The following ADAM9 variants were observed in gnomAD, a reference collection of about 807,000 sequenced individuals.
ADAM9 encodes ADAM metallopeptidase domain 9.
Under a neutral mutation model 108.1 loss-of-function variants are expected in ADAM9, and 54 were observed. The observed-to-expected ratio is 0.50, with a 90% CI of 0.40 to 0.63. ADAM9 has a LOEUF of 0.63. Among genes scored for constraint, ADAM9 ranks in the 20% least tolerant of loss-of-function variants. ADAM9 has a pLI of 0.00. For missense variants in ADAM9, 830 were observed against 997.7 expected, an observed-to-expected ratio of 0.83 and a Z score of 2.26; for synonymous variants, 316 against 336.0, an observed-to-expected ratio of 0.94 and a Z score of 0.65.
intron 7 of ADAM9, 81 bp downstream of exon 7, chr8:39,018,999 A>ACT (rs1216737799): frequency 1.5e-6 from 2 of 1,295,222 alleles, no homozygotes; most frequent in Admixed American, 3.4e-5. Flanking sequence ...TCTAAACTAC[A>ACT]CATTGTTTGT....
chr8:39,007,336 C>T (rs1836196176), intron 1 of ADAM9, among the ~76,000 whole-genome samples: 1 of 152,210 alleles, frequency 6.6e-6, no homozygotes, highest in South Asian at 2.1e-4. Context: ...TGTTACTACA[C>T]CCCACCTCCC....
intron 1 of ADAM9, among the ~76,000 whole-genome samples, chr8:39,001,240 A>G (rs1835983198): frequency 6.6e-6 from 1 of 152,256 alleles, no homozygotes; most frequent in South Asian, 2.1e-4. Context: ...ACAAATGTGT[A>G]GGCTATGTAG....
At chr8:39,103,576 A>G (rs1839766170) in intron 21 of ADAM9, 31 bp from the exon 22 acceptor site, 1 of 1,594,970 alleles carries the variant, frequency 6.3e-7, no homozygotes, top group Admixed American at 1.7e-5. Flanking sequence ...CAGTCTAAAC[A>G]CTCTATTAAC....
chr8:39,099,161 G>A (rs906646713), intron 20 of ADAM9, among the ~76,000 whole-genome samples: 1 of 152,062 alleles, frequency 6.6e-6, no homozygotes, highest in Non-Finnish European at 1.5e-5. Flanking sequence ...CCCTTCATAT[G>A]TCTAGGCTTT....
In ADAM9 at chr8:39,103,641, G is replaced by T; in HGVS notation, c.2401G>T (p.Gly801Ter). The T allele has an allele frequency of 6.2e-7, 1 of 1,613,928 alleles. No individual in the cohort carries two copies. Among genetic ancestry groups the T allele is most frequent in the Non-Finnish European group, 8.5e-7 (1 of 1,179,952 alleles). The change falls in exon 22 of 22, where the codon GGA (glycine) becomes TGA (stop). Residue 801 changes from glycine to a stop codon, truncating the protein, a stop_gained. Transcript: ENST00000487273. LOFTEE classifies it high-confidence loss of function. ...PPPQPKVSSQ[G>*]NLIPARPAPA... ...ACCACAACCGAAAGTATCATCTCAG[G>T]GAAACTTAATTCCTGCCCGTCCTGC...
In ADAM9 at chr8:39,071,549, C is replaced by T. The variant is rs1421011986; in HGVS notation, c.1697+146C>T. 5 of 685,144 alleles carry T rather than the reference C, an allele frequency of 7.3e-6. No homozygotes were observed. In the Admixed American group the frequency reaches 8.2e-5, roughly 11 times the overall value. The allele number at this position is 685,144 out of a possible 1,614,324, so 42.4% of individuals were successfully genotyped here. ...TGGCGCGATCTCGGCTCGCTGCACC[C>T]TCCGCCTCCCAGGTTCAAGTGATTC... is the stretch of plus-strand genomic sequence containing the variant. On this transcript the variant is annotated intron_variant, in intron 15 of 21. Coordinates refer to ENST00000487273, the MANE Select transcript of ADAM9 (RefSeq NM_003816.3).
At chr8:39,016,661 G>A (rs1197884196) in intron 5 of ADAM9, among the ~76,000 whole-genome samples, 5 of 152,248 alleles carry the variant, frequency 3.3e-5, no homozygotes, top group South Asian at 4.1e-4. Context: ...TGGCAACATG[G>A]CACTGTGCTG....
chr8:39,098,562 G>A (rs1333265517), intron 20 of ADAM9, among the ~76,000 whole-genome samples: 1 of 152,048 alleles, frequency 6.6e-6, no homozygotes, highest in Non-Finnish European at 1.5e-5. Context: ...CATTTCACTA[G>A]TTTTATAGTA....
intron 11 of ADAM9, among the ~76,000 whole-genome samples, chr8:39,027,057 A>G (rs1836946445): frequency 6.6e-6 from 1 of 151,896 alleles, no homozygotes; most frequent in Admixed American, 6.6e-5. Flanking sequence ...AAATGATTCC[A>G]GAGAGCTTTA....
At chr8:39,073,106 G>A (rs959211742) in intron 15 of ADAM9, among the ~76,000 whole-genome samples, 1 of 152,100 alleles carries the variant, frequency 6.6e-6, no homozygotes, top group Non-Finnish European at 1.5e-5. Flanking sequence ...GGTCTGTATG[G>A]GTAAATGTTC....
At position 38,997,048 on chromosome 8, in the gene ADAM9, T is replaced by A; in HGVS notation, c.-16T>A. 1 of 1,605,172 alleles carries A rather than the reference T, an allele frequency of 6.2e-7. No homozygotes were observed. The highest frequency in any genetic ancestry group is 8.5e-7 in the Non-Finnish European group (1 of 1,179,290). ...AGGCGACCGAGTGCTGAGAGGAACC[T>A]GCGGAATCGGCCGAGATGGGGTCTG... On this transcript the variant is annotated 5_prime_UTR_variant, in exon 1 of 22. Transcript: ENST00000487273.
rs138167481 is a variant in ADAM9, at chr8:39,086,852, A to G, written c.2069-3195A>G. 5.9e-5 allele frequency among the ~76,000 whole-genome samples: 9 copies of G among 152,318 alleles called. No homozygotes were observed. The East Asian group carries it at 1.7e-3, about 29-fold the overall frequency. Reference sequence around the variant, plus strand: ...AGTCTAGGGCTGATTCTGCTTCATTACTGAGGCAAAACCACTTCTGTTTAT... The same window carrying G: ...AGTCTAGGGCTGATTCTGCTTCATTGCTGAGGCAAAACCACTTCTGTTTAT... On this transcript the variant is annotated intron_variant, in intron 18 of 21. Transcript: ENST00000487273.
intron 16 of ADAM9, among the ~76,000 whole-genome samples, chr8:39,078,741 A>G (rs1838928389): frequency 6.6e-6 from 1 of 152,208 alleles, no homozygotes; most frequent in African/African-American, 2.4e-5. Context: ...AGATTATGCC[A>G]CTGTACTCCA....
intron 20 of ADAM9, among the ~76,000 whole-genome samples, chr8:39,093,452 A>T (rs1230076465): frequency 6.6e-6 from 1 of 152,178 alleles, no homozygotes; most frequent in Non-Finnish European, 1.5e-5. Flanking sequence ...GTATTATGCA[A>T]CTTTAGTGAA....
intron 14 of ADAM9, among the ~76,000 whole-genome samples, chr8:39,061,126 T>C (rs1328849060): frequency 6.6e-6 from 1 of 152,186 alleles, no homozygotes. Context: ...ATCTTTCAAG[T>C]CCTTGATGTT....
At position 39,035,275 on chromosome 8, in the gene ADAM9, C is replaced by T. The variant is rs149626772; in HGVS notation, c.1131-6671C>T. 5.3e-5 allele frequency among the ~76,000 whole-genome samples: 8 copies of T among 152,138 alleles called. No individual in the cohort carries two copies. In the East Asian group the frequency reaches 1.5e-3, roughly 29 times the overall value. On this transcript the variant is annotated intron_variant, in intron 11 of 21. Coordinates refer to ENST00000487273, the MANE Select transcript of ADAM9 (RefSeq NM_003816.3). Reference sequence around the variant, plus strand: ...CTTATTTCATTTGTCAAATTTATGTCTGGTTCTTTTTCAAATCTGATATAT... The same window carrying T: ...CTTATTTCATTTGTCAAATTTATGTTTGGTTCTTTTTCAAATCTGATATAT...
In ADAM9 at chr8:39,103,832, C is replaced by T. The variant is rs763045109; in HGVS notation, c.*132C>T. ...ACAAAACACCACAAAACAGACTTCA[C>T]TAACACAGAAAAACAGAAACTGAGT... On this transcript the variant is annotated 3_prime_UTR_variant, in exon 22 of 22. Transcript: ENST00000487273. 1.9e-5 allele frequency: 16 copies of T among 859,032 alleles called. No individual in the cohort carries two copies. The highest frequency in any genetic ancestry group is 3.1e-5 in the Non-Finnish European group (16 of 522,260). The allele number at this position is 859,032 out of a possible 1,614,324, so 53.2% of individuals were successfully genotyped here. A position where few individuals can be genotyped will look rare whatever the true frequency, so the allele number is the denominator to read the frequency against.
At chr8:39,046,205 C>A (rs1380753799) in intron 12 of ADAM9, among the ~76,000 whole-genome samples, 1 of 152,002 alleles carries the variant, frequency 6.6e-6, no homozygotes, top group Non-Finnish European at 1.5e-5. Flanking sequence ...TAAGCTTATT[C>A]ACAAATGTTT....
chr8:39,084,548 T>C lies in ADAM9; in HGVS notation c.2068+1475T>C, dbSNP rs893024271. ...TTAATGTTACTAATTTAAATTTTAC[T>C]GTAGCAAGAGAACATATTGTGTATG... On this transcript the variant is annotated intron_variant, in intron 18 of 21. Coordinates refer to ENST00000487273, the MANE Select transcript of ADAM9 (RefSeq NM_003816.3). Among the ~76,000 whole-genome samples the C allele has an allele frequency of 8.5e-5, 13 of 152,160 alleles. 1 individual carries two copies. The highest frequency in any genetic ancestry group is 3.1e-4 in the African/African-American group (13 of 41,556).
Sources: allele counts gnomAD v4.1 joint callset (sites outside exome capture counted in the v4.1 genomes callset), GRCh38; gene constraint gnomAD v4.1.1; transcripts MANE v1.5; gene names NCBI Gene and HGNC (gene_info 2026-07-23, HGNC 2026-07-21).